Variants in TENM2 observed in about 807,000 individuals in gnomAD.
TENM2 encodes the protein teneurin-2.
Under a neutral mutation model 245.2 loss-of-function variants are expected in TENM2, and 52 were observed. The ratio of observed to expected loss-of-function variants is 0.21; its 90% CI spans 0.17 to 0.27. The LOEUF is 0.27. TENM2 is among the 10% of genes least tolerant of loss of function. The probability of loss-of-function intolerance (pLI) is 1.00; values close to 1 mark genes in which losing one functional copy is unlikely to be tolerated. For synonymous variants in TENM2, 1,363 were observed against 1,438.9 expected (o/e 0.95, Z 1.19); for missense variants, 3,046 against 3,666.8 (o/e 0.83, Z 4.37).
At chr5:167,336,925 G>C (rs993000130) in intron 1 of TENM2, among the ~76,000 whole-genome samples, 1 of 150,764 alleles carries the variant, frequency 6.6e-6, no homozygotes, top group Non-Finnish European at 1.5e-5. Flanking sequence ...AGACCATCCT[G>C]GCTAACAAGG....
intron 2 of TENM2, among the ~76,000 whole-genome samples, chr5:167,663,271 T>C (rs990220925): frequency 6.6e-6 from 1 of 152,074 alleles, no homozygotes; most frequent in African/African-American, 2.4e-5. Context: ...AGAGCTCCTT[T>C]AGTTAGGATT....
intron 2 of TENM2, among the ~76,000 whole-genome samples, chr5:167,761,950 A>G (rs1299375174): frequency 1.3e-5 from 2 of 152,212 alleles, no homozygotes; most frequent in African/African-American, 2.4e-5. Context: ...TGAATCATCA[A>G]TAAGCTTCAA....
chr5:168,259,459 A>T (rs1029762428), intron 27 of TENM2, among the ~76,000 whole-genome samples: 1 of 152,136 alleles, frequency 6.6e-6, no homozygotes, highest in East Asian at 1.9e-4. Context: ...GTGGTGGCGC[A>T]TGCCTGTAAT....
intron 2 of TENM2, among the ~76,000 whole-genome samples, chr5:167,649,250 C>T (rs1041377908): frequency 2.7e-4 from 41 of 152,112 alleles, no homozygotes; most frequent in African/African-American, 9.9e-4. Flanking sequence ...AATTAGTGGG[C>T]TAGAAGTCAA....
intron 5 of TENM2, among the ~76,000 whole-genome samples, chr5:168,005,779 T>C (rs753867298): frequency 6.6e-6 from 1 of 152,184 alleles, no homozygotes; most frequent in East Asian, 1.9e-4. Context: ...TGCTGCCTAA[T>C]TTGTCATTCA....
At position 168,226,275 on chromosome 5, in the gene TENM2, C is replaced by T. The variant is rs1764174720; in HGVS notation, c.5284+12C>T. ...CACAGTGGTACAAGGTGAGCCTCCA[C>T]CCATACCATCCTACCCCCAAACTCA... On this transcript the variant is annotated intron_variant, in intron 24 of 28. Coordinates refer to ENST00000518659, the Ensembl canonical transcript of TENM2. The T allele has an allele frequency of 4.3e-6, 7 of 1,609,362 alleles. No individual in the cohort carries two copies. The highest frequency in any genetic ancestry group is 3.3e-5 in the South Asian group (3 of 90,474).
chr5:167,249,142 GTT>G, the TENM2 span, among the ~76,000 whole-genome samples: 1 of 152,144 alleles, frequency 6.6e-6, no homozygotes, highest in Non-Finnish European at 1.5e-5. Context: ...GGATAGAAGA[GTT>G]TTCAAAATTT....
intron 1 of TENM2, among the ~76,000 whole-genome samples, chr5:167,359,627 C>T (rs1286549825): frequency 2.6e-5 from 4 of 152,030 alleles, no homozygotes; most frequent in Admixed American, 2.6e-4. Context: ...GCATCGCTGT[C>T]ACGAAACCTT....
At chr5:167,054,255 T>C in the TENM2 span, among the ~76,000 whole-genome samples, 1 of 152,222 alleles carries the variant, frequency 6.6e-6, no homozygotes. Flanking sequence ...AATTTCACCA[T>C]TTCTTCAGCG....
intron 6 of TENM2, among the ~76,000 whole-genome samples, chr5:168,057,984 C>T (rs1173282566): frequency 1.3e-5 from 2 of 152,070 alleles, no homozygotes; most frequent in East Asian, 1.9e-4. Flanking sequence ...GCTGGATGTA[C>T]AGCATCAGCA....
chr5:167,791,827 G>A (rs184076763), intron 2 of TENM2, among the ~76,000 whole-genome samples: 52 of 152,078 alleles, frequency 3.4e-4, no homozygotes, highest in African/African-American at 1.1e-3. Context: ...CAGCCTGACC[G>A]CTGGGCCACA....
intron 2 of TENM2, among the ~76,000 whole-genome samples, chr5:167,676,884 G>T (rs866762518): frequency 6.6e-6 from 1 of 152,110 alleles, no homozygotes; most frequent in Middle Eastern, 3.4e-3. Flanking sequence ...TATGTGTTTT[G>T]TCATCAAGAA....
At chr5:168,245,279 C>A (rs976026149) in intron 26 of TENM2, among the ~76,000 whole-genome samples, 1 of 152,068 alleles carries the variant, frequency 6.6e-6, no homozygotes, top group African/African-American at 2.4e-5. Flanking sequence ...GACGAATTGT[C>A]TGATTCTATT....
intron 3 of TENM2, among the ~76,000 whole-genome samples, chr5:167,913,024 G>A (rs1037345339): frequency 6.6e-6 from 1 of 152,074 alleles, no homozygotes; most frequent in Admixed American, 6.5e-5. Context: ...TCTCTTAAAA[G>A]GCCTGGGGGC....
intron 2 of TENM2, among the ~76,000 whole-genome samples, chr5:167,396,820 G>C (rs1404363826): frequency 6.6e-6 from 1 of 152,130 alleles, no homozygotes; most frequent in Non-Finnish European, 1.5e-5. Context: ...ACATGACAAG[G>C]GCGAAGGCAG....
At chr5:167,731,625 C>T (rs1172324364) in intron 2 of TENM2, among the ~76,000 whole-genome samples, 1 of 149,234 alleles carries the variant, frequency 6.7e-6, no homozygotes, top group African/African-American at 2.5e-5. Flanking sequence ...TTCTGCCATC[C>T]TAGAGTGTGT....
the TENM2 span, among the ~76,000 whole-genome samples, chr5:167,060,374 C>CA: frequency 0.03 from 4,542 of 151,990 alleles, 234 homozygotes; most frequent in African/African-American, 0.1. Flanking sequence ...AAAAGAAGGC[C>CA]AGGCGCTGTG....
At chr5:167,367,565 A>C (rs1760135052) in intron 1 of TENM2, among the ~76,000 whole-genome samples, 1 of 152,154 alleles carries the variant, frequency 6.6e-6, no homozygotes, top group South Asian at 2.1e-4. Context: ...TACAAGCATA[A>C]AACATTAGTA....
intron 5 of TENM2, among the ~76,000 whole-genome samples, chr5:168,007,058 C>G (rs1784875965): frequency 6.6e-6 from 1 of 152,140 alleles, no homozygotes; most frequent in South Asian, 2.1e-4. Flanking sequence ...TTCAAGCTCA[C>G]TCAGCTATCT....
Sources: allele counts gnomAD v4.1 joint callset (sites outside exome capture counted in the v4.1 genomes callset), GRCh38; gene constraint gnomAD v4.1.1; transcripts MANE v1.5; gene names NCBI Gene and HGNC (gene_info 2026-07-23, HGNC 2026-07-21).